Variants in FMN2 observed in about 807,000 individuals in gnomAD.
FMN2 encodes formin 2.
FMN2 carries 51 observed loss-of-function variants against 142.3 expected under a neutral mutation model. The observed-to-expected ratio is 0.36, with a 90% CI of 0.29 to 0.45. FMN2 has a LOEUF of 0.45. Among genes scored for constraint, FMN2 ranks in the 20% least tolerant of loss-of-function variants. The pLI is 1.00. For synonymous variants in FMN2, 882 were observed against 869.8 expected (o/e 1.01, Z -0.25); for missense variants, 1,936 against 2,122.8 (o/e 0.91, Z 1.73).
intron 7 of FMN2, among the ~76,000 whole-genome samples, chr1:240,265,433 G>T (rs1473722130): frequency 6.6e-6 from 1 of 152,086 alleles, no homozygotes; most frequent in East Asian, 1.9e-4. Context: ...TAATGGGGTT[G>T]AAAAATTGCT....
rs368503875 is a variant in FMN2, at chr1:240,297,423, G to A, written c.4215+2540G>A. ...AGCCTGGCCAACATGGTGAAACCCCGTCTCTACTAAAAATACAAACATAAG... is the reference window on the plus strand; with the variant it reads ...AGCCTGGCCAACATGGTGAAACCCCATCTCTACTAAAAATACAAACATAAG... On this transcript the variant is annotated intron_variant, in intron 8 of 17. Transcript: ENST00000319653. Among the ~76,000 whole-genome samples, 52 of 151,738 alleles carry A rather than the reference G, an allele frequency of 3.4e-4. 1 individual carries two copies. In the South Asian group the frequency reaches 0.011, roughly 31 times the overall value.
At position 240,185,861 on chromosome 1, in the gene FMN2, A is replaced by C. The variant is rs538588590; in HGVS notation, c.1931-2346A>C. ...GAGGATTTGGAAGTGACGAAAAACA[A>C]TAGAAAATGAGAGCGTTCCGGAGTT... On this transcript the variant is annotated intron_variant, in intron 3 of 17. Transcript: ENST00000319653. Among the ~76,000 whole-genome samples, 7 of 152,334 alleles carry C rather than the reference A, an allele frequency of 4.6e-5. No homozygotes were observed. The South Asian group carries it at 1.4e-3, about 32-fold the overall frequency.
intron 6 of FMN2, chr1:240,245,661 TTGG>T (rs1339566013): frequency 2.1e-6 from 1 of 468,202 alleles, no homozygotes; most frequent in African/African-American, 2.0e-5. Context: ...AAATACTGGT[TTGG>T]TGGTCTCTGT....
chr1:240,241,352 T>C (rs1232659948), intron 6 of FMN2, among the ~76,000 whole-genome samples: 1 of 152,038 alleles, frequency 6.6e-6, no homozygotes, highest in Non-Finnish European at 1.5e-5. Flanking sequence ...AACTTATCCC[T>C]TTAAAGAAAA....
At chr1:240,451,366 A>AAC (rs1332860871) in intron 16 of FMN2, among the ~76,000 whole-genome samples, 2 of 151,922 alleles carry the variant, frequency 1.3e-5, no homozygotes, top group African/African-American at 4.8e-5. Flanking sequence ...CTCAAAAAAA[A>AAC]AAAAAATTGT....
chr1:240,357,547 G>C (rs1024059748), intron 14 of FMN2, among the ~76,000 whole-genome samples: 1 of 151,976 alleles, frequency 6.6e-6, no homozygotes, highest in Non-Finnish European at 1.5e-5. Context: ...TAGGAAAGAC[G>C]GGATTGCCCA....
chr1:240,194,424 C>G (rs1170023737), intron 4 of FMN2, among the ~76,000 whole-genome samples: 2 of 152,106 alleles, frequency 1.3e-5, no homozygotes, highest in Admixed American at 6.5e-5. Context: ...AGGGAAGAGT[C>G]CAGCGTGAAC....
chr1:240,332,909 G>A lies in FMN2; in HGVS notation c.4585-978G>A, dbSNP rs1671428033. On this transcript the variant is annotated intron_variant, in intron 11 of 17. Coordinates refer to ENST00000319653, the MANE Select transcript of FMN2 (RefSeq NM_020066.5). ...TGAATTACAAGTTGGGAGAGAGAAA[G>A]GAAGTCAAGTTGCTTAAATCATTTT... Among the ~76,000 whole-genome samples, 6 of 152,234 alleles carry A rather than the reference G, an allele frequency of 3.9e-5. No homozygotes were observed. In the South Asian group the frequency reaches 1.2e-3, roughly 32 times the overall value.
chr1:240,352,406 A>G (rs963559117), intron 13 of FMN2, among the ~76,000 whole-genome samples: 1 of 152,050 alleles, frequency 6.6e-6, no homozygotes, highest in Non-Finnish European at 1.5e-5. Flanking sequence ...ATGTGATGAA[A>G]CCCTCTCTCT....
intron 13 of FMN2, among the ~76,000 whole-genome samples, chr1:240,350,823 A>C (rs571158694): frequency 6.6e-6 from 1 of 152,380 alleles, no homozygotes; most frequent in Non-Finnish European, 1.5e-5. Context: ...GTAGAAGTTC[A>C]AAACTGGTCA....
intron 7 of FMN2, among the ~76,000 whole-genome samples, chr1:240,265,275 A>G (rs976167521): frequency 6.6e-6 from 1 of 152,144 alleles, no homozygotes; most frequent in Non-Finnish European, 1.5e-5. Context: ...CTGTGAATTA[A>G]ATGAGGATAA....
intron 16 of FMN2, among the ~76,000 whole-genome samples, chr1:240,456,617 C>T (rs970467578): frequency 3.9e-5 from 6 of 152,122 alleles, no homozygotes; most frequent in Admixed American, 1.3e-4. Flanking sequence ...CCACCATGCC[C>T]GGCTAACTTT....
intron 15 of FMN2, among the ~76,000 whole-genome samples, chr1:240,412,109 G>T (rs1002848185): frequency 6.6e-6 from 1 of 152,154 alleles, no homozygotes; most frequent in Non-Finnish European, 1.5e-5. Flanking sequence ...TCACATAATT[G>T]AAGAGGGATG....
chr1:240,112,907 G>A (rs1661869701), intron 1 of FMN2, among the ~76,000 whole-genome samples: 1 of 152,208 alleles, frequency 6.6e-6, no homozygotes, highest in South Asian at 2.1e-4. Context: ...CACAGGCAGT[G>A]TTTTGTGAGC....
intron 6 of FMN2, among the ~76,000 whole-genome samples, chr1:240,228,303 C>CAAAAAAAAAAAAAA (rs577421634): frequency 1.8e-3 from 86 of 47,728 alleles, no homozygotes; most frequent in Non-Finnish European, 2.9e-3. Context: ...AACTCTGTCT[C>CAAAAAAAAAAAAAA]AAAAAAAAAA....
Position 240,207,375 on chromosome 1 carries a change from A to G in FMN2, c.2563A>G (p.Ile855Val), listed in dbSNP as rs1666404863. The part of the protein sequence containing the change: ...VSSAFKNSCN[I>V]PSPPPLPCTE... ...CTCTGCCTTTAAAAACAGCTGTAAC[A>G]TCCCATCTCCACCACCTCTGCCTTG... The change falls in exon 5 of 18, where the codon ATC (isoleucine) becomes GTC (valine). Residue 855 changes from isoleucine to valine, a missense_variant. This residue lies in a region of FMN2 where 478 missense variants were observed against 462.8 expected (regional missense o/e 1.03). Coordinates refer to ENST00000319653, the MANE Select transcript of FMN2 (RefSeq NM_020066.5). 2 of 1,613,504 alleles carry G rather than the reference A, an allele frequency of 1.2e-6. No homozygotes were observed. Among genetic ancestry groups the G allele is most frequent in the African/African-American group, 1.3e-5 (1 of 74,734 alleles).
At chr1:240,137,116 A>G (rs1005582201) in intron 2 of FMN2, among the ~76,000 whole-genome samples, 4 of 151,344 alleles carry the variant, frequency 2.6e-5, no homozygotes, top group African/African-American at 7.3e-5. Context: ...TGGCAAAGTG[A>G]AGGACCCTGT....
At chr1:240,366,724 C>T (rs1672683507) in intron 14 of FMN2, among the ~76,000 whole-genome samples, 1 of 151,904 alleles carries the variant, frequency 6.6e-6, no homozygotes, top group Non-Finnish European at 1.5e-5. Context: ...GCTAATTTTG[C>T]ATTTTTAGTA....
intron 8 of FMN2, among the ~76,000 whole-genome samples, chr1:240,314,292 C>T (rs28537545): frequency 0.14 from 21,754 of 151,872 alleles, 1,983 homozygotes; most frequent in African/African-American, 0.26. Context: ...ATATGGCATC[C>T]ATCTGTAGCA....
Sources: allele counts gnomAD v4.1 joint callset (sites outside exome capture counted in the v4.1 genomes callset), GRCh38; gene constraint gnomAD v4.1.1; regional missense constraint gnomAD v4.1.1; transcripts MANE v1.5; gene names NCBI Gene and HGNC (gene_info 2026-07-23, HGNC 2026-07-21).